The following NCOR1 variants were observed in gnomAD, a reference collection of about 807,000 sequenced individuals.
NCOR1 encodes the protein protein phosphatase 1, regulatory subunit 109.
Under a neutral mutation model 288.1 loss-of-function variants are expected in NCOR1, and 63 were observed. The ratio of observed to expected loss-of-function variants is 0.22; its 90% CI spans 0.18 to 0.27. The LOEUF is 0.27. Among genes scored for constraint, NCOR1 ranks in the 10% least tolerant of loss-of-function variants. The probability of loss-of-function intolerance (pLI) is 1.00; values close to 1 mark genes in which losing one functional copy is unlikely to be tolerated. For missense variants in NCOR1, 2,397 were observed against 3,019.2 expected, an observed-to-expected ratio of 0.79 and a Z score of 4.83; for synonymous variants, 1,007 against 1,065.9, an observed-to-expected ratio of 0.94 and a Z score of 1.08.
chr17:16,041,755 A>T (rs572063681), intron 42 of NCOR1, among the ~76,000 whole-genome samples: 1 of 144,188 alleles, frequency 6.9e-6, no homozygotes, highest in South Asian at 2.2e-4. Context: ...ATTTATTTTT[A>T]AGACGGAGTC....
intron 23 of NCOR1, chr17:16,083,943 A>C (rs951278550): frequency 6.6e-6 from 1 of 152,154 alleles, no homozygotes; most frequent in South Asian, 2.1e-4. Flanking sequence ...AAGAAAAAAA[A>C]AGAGAAGAGA....
Position 16,029,954 on chromosome 17 carries a change from C to G in NCOR1, c.*2342G>C, listed in dbSNP as rs115946329. On this transcript the variant is annotated 3_prime_UTR_variant, in exon 46 of 46. Coordinates refer to ENST00000268712, the MANE Select transcript of NCOR1 (RefSeq NM_006311.4). ...ATCTGACATGTTCTCAGAAACTATA[C>G]GGTTGACCTTCAAATAATGCAGGAG... 6.3e-6 allele frequency: 1 copy of G among 159,200 alleles called. No individual in the cohort carries two copies. The highest frequency in any genetic ancestry group is 1.4e-5 in the Non-Finnish European group (1 of 72,098). The allele number at this position is 159,200 out of a possible 1,614,324, so 9.9% of individuals were successfully genotyped here.
At chr17:16,208,035 CTTTTTTTTTT>C (rs71150278) in intron 1 of NCOR1, among the ~76,000 whole-genome samples, 8 of 72,568 alleles carry the variant, frequency 1.1e-4, no homozygotes, top group African/African-American at 2.7e-4. Context: ...ATATTTCTTT[CTTTTTTTTTT>C]TTTTTTTTTT....
intron 45 of NCOR1, 112 bp from the exon 46 acceptor site, chr17:16,032,595 AC>A: frequency 9.9e-7 from 1 of 1,012,152 alleles, no homozygotes; most frequent in Non-Finnish European, 1.4e-6. Flanking sequence ...GTCATGTGAC[AC>A]CATGAAAGCA....
rs746052995 is a variant in NCOR1, at chr17:16,146,879, G to A, written c.910-331C>T. Among the ~76,000 whole-genome samples, 20 of 152,136 alleles carry A rather than the reference G, an allele frequency of 1.3e-4. No individual in the cohort carries two copies. The South Asian group carries it at 1.5e-3, about 11-fold the overall frequency. Reference sequence around the variant, plus strand: ...TATGTCATTGTTGTCCCAAAAAAATGGAAAATTAAAAATACAAACATGTAA... The same window carrying A: ...TATGTCATTGTTGTCCCAAAAAAATAGAAAATTAAAAATACAAACATGTAA... On this transcript the variant is annotated intron_variant, in intron 9 of 45. Transcript: ENST00000268712.
At position 16,121,135 on chromosome 17, in the gene NCOR1, G is replaced by T; in HGVS notation, c.1769C>A (p.Thr590Lys). 6.2e-7 allele frequency: 1 copy of T among 1,614,188 alleles called. No individual in the cohort carries two copies. The highest frequency in any genetic ancestry group is 2.2e-5 in the East Asian group (1 of 44,886). Residue 590 changes from threonine to lysine, a missense_variant, in exon 16 of 46, where the codon ACA becomes AAA. This residue lies in a region of NCOR1 where 113 missense variants were observed against 139.5 expected (regional missense o/e 0.81). Coordinates refer to ENST00000268712, the MANE Select transcript of NCOR1 (RefSeq NM_006311.4). ...RRKGRITRSM[T>K]NEAAAASAAA... ...AGCACTGGCAGCTGCAGCTTCGTTT[G>T]TCATGGACCTGGTGATCCGGCCCTT...
rs545586217 is a variant in NCOR1 at position 16,115,397 on chromosome 17, G to A, written c.2055+2491C>T. 6.4e-4 allele frequency among the ~76,000 whole-genome samples: 98 copies of A among 152,344 alleles called. 2 individuals carry two copies. The highest frequency in any genetic ancestry group is 2.3e-3 in the African/African-American group (94 of 41,582). On this transcript the variant is annotated intron_variant, in intron 18 of 45. Coordinates refer to ENST00000268712, the MANE Select transcript of NCOR1 (RefSeq NM_006311.4). ...CTCATTACTTATGCAAATTCCTGCAGCAGGCTTGAATTCCTCTTCAGAAAA... is the reference window on the plus strand; with the variant it reads ...CTCATTACTTATGCAAATTCCTGCAACAGGCTTGAATTCCTCTTCAGAAAA...
intron 19 of NCOR1, 131 bp from the exon 20 acceptor site, chr17:16,101,888 T>G: frequency 8.5e-7 from 1 of 1,174,146 alleles, no homozygotes; most frequent in Non-Finnish European, 1.2e-6. Context: ...AAGTAGTTGT[T>G]TAGGATGAAT....
intron 1 of NCOR1, among the ~76,000 whole-genome samples, chr17:16,209,988 T>A (rs79290266): frequency 6.6e-6 from 1 of 152,060 alleles, no homozygotes; most frequent in African/African-American, 2.4e-5. Flanking sequence ...TTATCTAAGC[T>A]TTTATATTAA....
chr17:16,103,935 G>A lies in NCOR1; in HGVS notation c.2183-2178C>T, dbSNP rs191769436. 2.5e-4 allele frequency among the ~76,000 whole-genome samples: 38 copies of A among 152,304 alleles called. No homozygotes were observed. The East Asian group carries it at 6.0e-3, about 24-fold the overall frequency. On this transcript the variant is annotated intron_variant, in intron 19 of 45. Transcript: ENST00000268712. ...TGAAGTAGGAGAATCGCTTGAATCC[G>A]GGAAGTGGAGGTTGTGGTGAGCCGA...
intron 1 of NCOR1, among the ~76,000 whole-genome samples, chr17:16,212,131 G>A (rs1031247684): frequency 3.9e-5 from 6 of 152,066 alleles, no homozygotes; most frequent in African/African-American, 1.4e-4. Context: ...CAGGCATGGT[G>A]GCGCATGCCT....
intron 1 of NCOR1, among the ~76,000 whole-genome samples, chr17:16,208,035 CTTTTT>C (rs71150278): frequency 2.8e-5 from 2 of 72,570 alleles, no homozygotes; most frequent in Non-Finnish European, 4.9e-5. Context: ...ATATTTCTTT[CTTTTT>C]TTTTTTTTTT....
chr17:16,164,765 AC>A, intron 5 of NCOR1: 1 of 369,526 alleles, frequency 2.7e-6, no homozygotes, highest in Non-Finnish European at 4.9e-6. Flanking sequence ...GAATGGACAA[AC>A]AAATTTCACT....
chr17:16,187,809 A>G (rs2087006934), intron 2 of NCOR1, among the ~76,000 whole-genome samples: 1 of 150,904 alleles, frequency 6.6e-6, no homozygotes, highest in South Asian at 2.1e-4. Flanking sequence ...CTAAGGTGGG[A>G]GGCTTGCTTG....
At chr17:16,123,459 T>TCA (rs2073410796) in intron 15 of NCOR1, among the ~76,000 whole-genome samples, 1 of 152,188 alleles carries the variant, frequency 6.6e-6, no homozygotes, top group Non-Finnish European at 1.5e-5. Context: ...TGCCAATGAA[T>TCA]CAACATTCTA....
chr17:16,118,852 A>G (rs1481240616), intron 17 of NCOR1, among the ~76,000 whole-genome samples: 1 of 152,234 alleles, frequency 6.6e-6, no homozygotes, highest in Admixed American at 6.5e-5. Flanking sequence ...AGAAAAGCAC[A>G]AAGTCCATAA....
intron 1 of NCOR1, among the ~76,000 whole-genome samples, chr17:16,208,206 A>AT (rs757019446): frequency 0.035 from 2,303 of 65,454 alleles, 186 homozygotes; most frequent in East Asian, 0.081. Context: ...ATGCCCAGCT[A>AT]TTTTTTTTTT....
chr17:16,143,861 C>A (rs2077482766), intron 10 of NCOR1, among the ~76,000 whole-genome samples, 165 bp from the exon 11 acceptor site: 1 of 117,400 alleles, frequency 8.5e-6, no homozygotes, highest in African/African-American at 2.8e-5. Flanking sequence ...TGCTGTGTCA[C>A]CTATTAATAA....
chr17:16,132,378 C>A (rs1374151252), intron 14 of NCOR1, among the ~76,000 whole-genome samples: 3 of 152,190 alleles, frequency 2.0e-5, no homozygotes, highest in African/African-American at 7.2e-5. Flanking sequence ...GGAAGAAACT[C>A]TTACTGCTAG....
Sources: gnomAD v4.1 joint callset for allele counts (sites outside exome capture counted in the v4.1 genomes callset) on GRCh38, gnomAD v4.1.1 for gene constraint, gnomAD v4.1.1 regional missense constraint, MANE v1.5 for transcripts, NCBI Gene and HGNC (gene_info 2026-07-23, HGNC 2026-07-21) for gene names.